GPR158: variants seen among roughly 807,000 people sequenced by gnomAD.
The protein encoded by GPR158 is metabotropic glycine receptor.
GPR158 carries 30 observed loss-of-function variants against 78.2 expected under a neutral mutation model. The observed-to-expected ratio is 0.38, with a 90% CI of 0.29 to 0.52. The LOEUF (loss-of-function observed/expected upper bound fraction) is 0.52. GPR158 is among the 20% of genes least tolerant of loss of function. The pLI is 0.83. For synonymous variants in GPR158, 581 were observed against 591.1 expected, an observed-to-expected ratio of 0.98 and a Z score of 0.25; for missense variants, 1,463 against 1,523.5, an observed-to-expected ratio of 0.96 and a Z score of 0.66.
chr10:25,380,929 T>G (rs1185569173), intron 2 of GPR158, among the ~76,000 whole-genome samples: 1 of 152,192 alleles, frequency 6.6e-6, no homozygotes, highest in Non-Finnish European at 1.5e-5. Flanking sequence ...AAAGTAAGTT[T>G]CTAATCTGGG....
intron 2 of GPR158, among the ~76,000 whole-genome samples, chr10:25,331,288 G>A (rs1049609421): frequency 7.2e-5 from 11 of 152,150 alleles, no homozygotes; most frequent in African/African-American, 2.7e-4. Context: ...TATCTACTGA[G>A]TAGAATACTG....
chr10:25,476,384 G>GTT lies in GPR158; in HGVS notation c.1404+9678_1404+9679dup, dbSNP rs56271781. On this transcript the variant is annotated intron_variant, in intron 5 of 10. Transcript: ENST00000376351. ...AAACCGTCAGTTTCATTTAATAAGG[G>GTT]TTTTTTTTTTTTTTCTTTCCCCTCT... Among the ~76,000 whole-genome samples the GTT allele has an allele frequency of 4.3e-3, 624 of 144,278 alleles. 1 individual carries two copies. Among genetic ancestry groups the GTT allele is most frequent in the East Asian group, 8.7e-3 (43 of 4,926 alleles). The allele number at this position is 144,278 out of a possible 152,430, so 94.7% of individuals were successfully genotyped here.
chr10:25,369,006 T>C (rs1242949058), intron 2 of GPR158, among the ~76,000 whole-genome samples: 15 of 150,914 alleles, frequency 9.9e-5, no homozygotes, highest in Non-Finnish European at 2.1e-4. Context: ...CTTGTGATTT[T>C]CGTACATTGA....
Position 25,231,489 on chromosome 10 carries a change from A to T in GPR158, c.1008+10332A>T, listed in dbSNP as rs144030075. On this transcript the variant is annotated intron_variant, in intron 2 of 10. Coordinates refer to ENST00000376351, the MANE Select transcript of GPR158 (RefSeq NM_020752.3). ...TGCTCCTGAATGACACTGCTTTTAT[A>T]CAATCTATGTCACTGGATTGTGTCC... Among the ~76,000 whole-genome samples, 486 of 152,314 alleles carry T rather than the reference A, an allele frequency of 3.2e-3. 5 individuals are homozygous for T. Among genetic ancestry groups the T allele is most frequent in the African/African-American group, 0.011 (475 of 41,578 alleles).
intron 4 of GPR158, among the ~76,000 whole-genome samples, chr10:25,422,091 C>CT (rs1185185418): frequency 4.6e-5 from 7 of 152,288 alleles, no homozygotes; most frequent in African/African-American, 1.7e-4. Context: ...CCTGTCACAC[C>CT]TGACCATTCA....
chr10:25,521,449 T>C (rs1374288919), intron 5 of GPR158, among the ~76,000 whole-genome samples: 2 of 152,226 alleles, frequency 1.3e-5, no homozygotes, highest in Admixed American at 1.3e-4. Context: ...CATCATATTA[T>C]TGATTTAAGT....
At chr10:25,299,354 A>G (rs940726050) in intron 2 of GPR158, among the ~76,000 whole-genome samples, 5 of 152,134 alleles carry the variant, frequency 3.3e-5, no homozygotes, top group Non-Finnish European at 7.4e-5. Context: ...TTCATTGGAG[A>G]AAAACTGTAT....
At chr10:25,276,140 G>T (rs1204835213) in intron 2 of GPR158, among the ~76,000 whole-genome samples, 1 of 152,160 alleles carries the variant, frequency 6.6e-6, no homozygotes, top group Non-Finnish European at 1.5e-5. Context: ...GCTTGAGGTT[G>T]AATTTGGTAA....
chr10:25,466,116 C>A (rs922750087), intron 4 of GPR158: 1 of 152,448 alleles, frequency 6.6e-6, no homozygotes, highest in Non-Finnish European at 1.5e-5. Flanking sequence ...GGGATATAAG[C>A]ATAAGACACC....
chr10:25,302,330 G>A (rs2130776070), intron 2 of GPR158, among the ~76,000 whole-genome samples: 2 of 151,170 alleles, frequency 1.3e-5, no homozygotes, highest in South Asian at 4.2e-4. Context: ...ACAATCCGCC[G>A]GCCTTGGCTT....
intron 5 of GPR158, among the ~76,000 whole-genome samples, chr10:25,482,761 A>G (rs1275274045): frequency 2.0e-5 from 3 of 152,154 alleles, no homozygotes; most frequent in African/African-American, 4.8e-5. Flanking sequence ...AAATCTCTAC[A>G]TGGAGTCTGA....
chr10:25,512,772 A>G (rs537208353), intron 5 of GPR158, among the ~76,000 whole-genome samples: 4 of 151,258 alleles, frequency 2.6e-5, no homozygotes, highest in South Asian at 4.1e-4. Flanking sequence ...TGCTTTTTCT[A>G]TGTCTATTGA....
At chr10:25,386,062 A>G (rs1227515179) in intron 2 of GPR158, among the ~76,000 whole-genome samples, 2 of 152,038 alleles carry the variant, frequency 1.3e-5, no homozygotes, top group East Asian at 1.9e-4. Flanking sequence ...GGCTTTTCCC[A>G]TTTTTCTTCC....
intron 5 of GPR158, among the ~76,000 whole-genome samples, chr10:25,548,695 C>G (rs117830089): frequency 1.3e-5 from 2 of 152,192 alleles, no homozygotes; most frequent in African/African-American, 4.8e-5. Flanking sequence ...CTCCTACCAC[C>G]AGCTTTGCCT....
intron 2 of GPR158, among the ~76,000 whole-genome samples, chr10:25,268,229 G>T (rs1469587057): frequency 6.6e-6 from 1 of 152,056 alleles, no homozygotes; most frequent in Non-Finnish European, 1.5e-5. Flanking sequence ...ATAGGATGAG[G>T]GGTAAACTGT....
At chr10:25,431,888 A>T (rs1228683371) in intron 4 of GPR158, among the ~76,000 whole-genome samples, 1 of 152,242 alleles carries the variant, frequency 6.6e-6, no homozygotes, top group South Asian at 2.1e-4. Flanking sequence ...GCTTTAGGAG[A>T]TATACCTAAT....
intron 6 of GPR158, among the ~76,000 whole-genome samples, chr10:25,560,959 T>G (rs914787784): frequency 3.3e-5 from 5 of 150,588 alleles, no homozygotes; most frequent in African/African-American, 9.7e-5. Flanking sequence ...TTAATGTGTG[T>G]TTTTTTTTAA....
intron 4 of GPR158, among the ~76,000 whole-genome samples, chr10:25,430,831 C>A (rs1273305355): frequency 6.6e-6 from 1 of 151,460 alleles, no homozygotes; most frequent in Non-Finnish European, 1.5e-5. Context: ...GAAACTGGAT[C>A]CCTTCCTTAC....
At chr10:25,186,166 G>C (rs1271962343) in intron 1 of GPR158, among the ~76,000 whole-genome samples, 1 of 152,198 alleles carries the variant, frequency 6.6e-6, no homozygotes, top group Non-Finnish European at 1.5e-5. Flanking sequence ...GATGTTCTTT[G>C]AAACAATTGA....
Sources: allele counts gnomAD v4.1 joint callset (sites outside exome capture counted in the v4.1 genomes callset), GRCh38; gene constraint gnomAD v4.1.1; transcripts MANE v1.5; gene names NCBI Gene and HGNC (gene_info 2026-07-23, HGNC 2026-07-21).